The following PPIP5K2 variants were observed in gnomAD, a reference collection of about 807,000 sequenced individuals.
PPIP5K2 encodes the protein inositol hexakisphosphate and diphosphoinositol-pentakisphosphate kinase 2.
A neutral mutation model predicts 154.6 loss-of-function variants in PPIP5K2; 105 were observed. The ratio of observed to expected loss-of-function variants is 0.68; its 90% confidence interval spans 0.58 to 0.80. PPIP5K2 has a LOEUF of 0.80. Ranked by LOEUF, PPIP5K2 falls within the 30% of genes least tolerant of loss-of-function variation. The probability of loss-of-function intolerance (pLI) is 0.00; values close to 1 mark genes in which losing one functional copy is unlikely to be tolerated. For missense variants in PPIP5K2, 992 were observed against 1,504.6 expected (o/e 0.66, Z 5.64); for synonymous variants, 480 against 490.3 (o/e 0.98, Z 0.28).
chr5:103,196,801 A>G (rs782001497), intron 30 of PPIP5K2, among the ~76,000 whole-genome samples: 1 of 152,146 alleles, frequency 6.6e-6, no homozygotes, highest in Non-Finnish European at 1.5e-5. Flanking sequence ...CAGTTATGAT[A>G]TATTATATAT....
intron 30 of PPIP5K2, among the ~76,000 whole-genome samples, chr5:103,195,813 A>T (rs1221073634): frequency 6.6e-6 from 1 of 152,102 alleles, no homozygotes; most frequent in Admixed American, 6.5e-5. Context: ...GCCTCATTGC[A>T]GATGTCTTCA....
At chr5:103,176,006 T>C (rs1798648479) in intron 21 of PPIP5K2, among the ~76,000 whole-genome samples, 1 of 152,152 alleles carries the variant, frequency 6.6e-6, no homozygotes, top group Non-Finnish European at 1.5e-5. Context: ...TTACTCAGTA[T>C]ATTCCCCTTT....
intron 19 of PPIP5K2, among the ~76,000 whole-genome samples, chr5:103,170,539 G>T (rs528394920): frequency 1.3e-5 from 2 of 151,562 alleles, no homozygotes; most frequent in African/African-American, 4.8e-5. Flanking sequence ...AAAACAAAAG[G>T]TCTTTTTATA....
chr5:103,140,620 CG>C (rs1368364780), intron 5 of PPIP5K2, among the ~76,000 whole-genome samples: 11 of 151,258 alleles, frequency 7.3e-5, no homozygotes, highest in Non-Finnish European at 1.5e-4. Flanking sequence ...GAGGCCGAGG[CG>C]GGCGGATCAC....
chr5:103,122,087 T>TGTGTGTA (rs1554199250), intron 1 of PPIP5K2, among the ~76,000 whole-genome samples: 2 of 152,220 alleles, frequency 1.3e-5, no homozygotes, highest in African/African-American at 4.8e-5. Context: ...CAAGTGTATG[T>TGTGTGTA]GTGTGTATGT....
Position 103,207,317 on chromosome 5 carries a change from A to ATTT in PPIP5K2, c.*5685_*5686insTTT, listed in dbSNP as rs1803571106. On this transcript the variant is annotated 3_prime_UTR_variant, in exon 31 of 31. Transcript: ENST00000358359. ...GTGGCAGTCAAAAATGTCTCCAGAC[A>ATTT]TTAGTAAATGTCTTTTGTGAGGGAA... 6.6e-6 allele frequency: 1 copy of ATTT among 152,224 alleles called. No homozygotes were observed. Among genetic ancestry groups the ATTT allele is most frequent in the Non-Finnish European group, 1.5e-5 (1 of 68,036 alleles). The allele number at this position is 152,224 out of a possible 1,614,324, so 9.4% of individuals were successfully genotyped here.
rs76036371 is a variant in PPIP5K2 at position 103,123,015 on chromosome 5, C to T, written c.-285+2527C>T. Among the ~76,000 whole-genome samples, 875 of 152,286 alleles carry T rather than the reference C, an allele frequency of 5.7e-3. 6 individuals are homozygous for T. The highest frequency in any genetic ancestry group is 0.02 in the African/African-American group (838 of 41,556). On this transcript the variant is annotated intron_variant, in intron 1 of 30. Transcript: ENST00000358359. ...AGAAAAGGTGTAAAGAGGTCTCCAA[C>T]AACAGCAGTGGCAAACGGGAGTTTC...
At position 103,199,132 on chromosome 5, in the gene PPIP5K2, A is replaced by G. The variant is rs150030247; in HGVS notation, c.3620-2390A>G. Among the ~76,000 whole-genome samples, 493 of 152,238 alleles carry G rather than the reference A, an allele frequency of 3.2e-3. 1 individual carries two copies. The highest frequency in any genetic ancestry group is 0.011 in the African/African-American group (458 of 41,566). ...TGTTACTTCCACATATATTATAAAC[A>G]CTACAATACAGTGTTATGATATTTG... On this transcript the variant is annotated intron_variant, in intron 30 of 30. Coordinates refer to ENST00000358359, the MANE Select transcript of PPIP5K2 (RefSeq NM_001276277.3).
Position 103,149,181 on chromosome 5 carries a change from T to C in PPIP5K2, c.774T>C (p.His258=), listed in dbSNP as rs782079144. The C allele has an allele frequency of 3.1e-6, 5 of 1,613,906 alleles. No individual in the cohort carries two copies. The highest frequency in any genetic ancestry group is 4.2e-6 in the Non-Finnish European group (5 of 1,179,872). Residue 258 remains histidine, a synonymous_variant, in exon 8 of 31, where the codon CAT becomes CAC. Transcript: ENST00000358359. ...ATACAGTGGGTCCAGATTATGCCCA[T>C]GCTGAAGCTCGAAAATCTCCAGCAC... The part of the protein sequence containing the change: ...KVYTVGPDYA[H]AEARKSPALD...
chr5:103,167,077 T>C (rs1286996829), intron 17 of PPIP5K2, 102 bp from the exon 18 acceptor site: 1 of 883,058 alleles, frequency 1.1e-6, no homozygotes, highest in African/African-American at 1.7e-5. Flanking sequence ...ATTTCTGCTA[T>C]GGAATTATTC....
At chr5:103,187,105 T>C (rs1280669448) in intron 27 of PPIP5K2, among the ~76,000 whole-genome samples, 2 of 152,156 alleles carry the variant, frequency 1.3e-5, no homozygotes, top group African/African-American at 2.4e-5. Flanking sequence ...CTTGCTTTTC[T>C]TTCTTTTGTA....
At position 103,202,660 on chromosome 5, in the gene PPIP5K2, A is replaced by G. The variant is rs1465333697; in HGVS notation, c.*1026A>G. 6.6e-6 allele frequency: 1 copy of G among 152,186 alleles called. No homozygotes were observed. The highest frequency in any genetic ancestry group is 1.5e-5 in the Non-Finnish European group (1 of 68,010). 9.4% of individuals were successfully genotyped at this position (152,186 alleles called of 1,614,324 possible). On this transcript the variant is annotated 3_prime_UTR_variant, in exon 31 of 31. Transcript: ENST00000358359. ...ATTAGATTTTTGAAGGGATATTGAA[A>G]TCATTGCGCTGTGATTTCATCTGTG...
rs184114069 is a variant in PPIP5K2, at chr5:103,152,387, T to A, written c.1029-261T>A. Among the ~76,000 whole-genome samples, 98 of 152,064 alleles carry A rather than the reference T, an allele frequency of 6.4e-4. 1 individual carries two copies. The highest frequency in any genetic ancestry group is 5.9e-3 in the Admixed American group (90 of 15,294). On this transcript the variant is annotated intron_variant, in intron 9 of 30. Coordinates refer to ENST00000358359, the MANE Select transcript of PPIP5K2 (RefSeq NM_001276277.3). ...TAGATGTGATGTAATTGTAGTGATT[T>A]CTTTGAATCCAATGTTGATTGATAT...
intron 18 of PPIP5K2, 98 bp downstream of exon 18, chr5:103,167,418 C>G: frequency 9.4e-7 from 1 of 1,067,932 alleles, no homozygotes; most frequent in South Asian, 2.2e-5. Context: ...GAAATCAAGC[C>G]TCTCTTGAGA....
At chr5:103,186,062 A>T (rs1161927429) in intron 26 of PPIP5K2, among the ~76,000 whole-genome samples, 4 of 151,312 alleles carry the variant, frequency 2.6e-5, no homozygotes, top group Non-Finnish European at 4.4e-5. Flanking sequence ...ATATGGACAT[A>T]TTTTTTTTCT....
At chr5:103,141,493 A>C (rs1364405589) in intron 5 of PPIP5K2, among the ~76,000 whole-genome samples, 2 of 152,064 alleles carry the variant, frequency 1.3e-5, no homozygotes, top group Non-Finnish European at 2.9e-5. Context: ...GCCTGCTTTT[A>C]TTCTCTTATC....
chr5:103,144,867 G>A (rs1554208651), intron 5 of PPIP5K2, among the ~76,000 whole-genome samples: 1 of 152,038 alleles, frequency 6.6e-6, no homozygotes, highest in Non-Finnish European at 1.5e-5. Context: ...AATTTCTTGA[G>A]TAAGACCTCA....
chr5:103,138,145 T>A (rs1791888352), intron 4 of PPIP5K2, among the ~76,000 whole-genome samples: 2 of 152,198 alleles, frequency 1.3e-5, no homozygotes, highest in Admixed American at 6.5e-5. Context: ...AATAATTAGT[T>A]TCTCAATAAG....
chr5:103,176,813 A>C, intron 21 of PPIP5K2: 2 of 1,086,706 alleles, frequency 1.8e-6, no homozygotes, highest in South Asian at 3.2e-5. Context: ...CTTGTAGTAC[A>C]TGTTCTCTAA....
Sources: gnomAD v4.1 joint callset for allele counts (sites outside exome capture counted in the v4.1 genomes callset) on GRCh38, gnomAD v4.1.1 for gene constraint, MANE v1.5 for transcripts, NCBI Gene and HGNC (gene_info 2026-07-23, HGNC 2026-07-21) for gene names.